ADCY2: variants seen among roughly 807,000 people sequenced by gnomAD.
ADCY2 encodes the protein adenylate cyclase type 2.
A neutral mutation model predicts 125.2 loss-of-function variants in ADCY2; 31 were observed. The observed-to-expected ratio is 0.25, with a 90% CI of 0.19 to 0.33. The LOEUF (loss-of-function observed/expected upper bound fraction) is 0.33, where lower values mean the gene tolerates loss of function less well. Ranked by LOEUF, ADCY2 falls within the 10% of genes least tolerant of loss-of-function variation. The pLI is 1.00. For missense variants in ADCY2, 904 were observed against 1,418.2 expected, an observed-to-expected ratio of 0.64 and a Z score of 5.82; for synonymous variants, 512 against 548.4, an observed-to-expected ratio of 0.93 and a Z score of 0.93.
chr5:7,746,437 A>T (rs951954884), intron 15 of ADCY2: 1 of 152,220 alleles, frequency 6.6e-6, no homozygotes, highest in Non-Finnish European at 1.5e-5. Context: ...AGGATTTTTT[A>T]ATTTGCAACA....
At chr5:7,708,585 A>T (rs1277873314) in intron 9 of ADCY2, among the ~76,000 whole-genome samples, 3 of 152,202 alleles carry the variant, frequency 2.0e-5, no homozygotes, top group Non-Finnish European at 4.4e-5. Context: ...TAAATGGTGC[A>T]AATATCAGCA....
intron 2 of ADCY2, among the ~76,000 whole-genome samples, chr5:7,449,670 A>G (rs1374196813): frequency 6.6e-6 from 1 of 152,236 alleles, no homozygotes; most frequent in African/African-American, 2.4e-5. Flanking sequence ...CCAACTCCAT[A>G]TACAGTATAG....
chr5:7,635,690 C>A (rs185951806), intron 4 of ADCY2, among the ~76,000 whole-genome samples: 83 of 152,160 alleles, frequency 5.5e-4, no homozygotes, highest in Non-Finnish European at 8.8e-4. Flanking sequence ...AGATGAGATG[C>A]CCCAAGGAGA....
intron 23 of ADCY2, among the ~76,000 whole-genome samples, chr5:7,819,153 G>T (rs1488982823): frequency 6.6e-6 from 1 of 152,108 alleles, no homozygotes; most frequent in African/African-American, 2.4e-5. Context: ...GGCCACGCTG[G>T]CAGCTGATCA....
chr5:7,460,921 G>C (rs1456118282), intron 2 of ADCY2, among the ~76,000 whole-genome samples: 1 of 152,140 alleles, frequency 6.6e-6, no homozygotes, highest in Non-Finnish European at 1.5e-5. Context: ...AGGTTCCTCT[G>C]CATTTACAAG....
At chr5:7,557,135 T>TTA (rs60652060) in intron 3 of ADCY2, among the ~76,000 whole-genome samples, 32 of 77,532 alleles carry the variant, frequency 4.1e-4, no homozygotes, top group Non-Finnish European at 7.0e-4. Flanking sequence ...CAAAAACAGT[T>TTA]TATATATATA....
chr5:7,734,717 A>G (rs1279222437), intron 14 of ADCY2, among the ~76,000 whole-genome samples: 1 of 152,172 alleles, frequency 6.6e-6, no homozygotes, highest in Non-Finnish European at 1.5e-5. Flanking sequence ...TTGACCAACC[A>G]TTACTTTGTC....
chr5:7,721,635 A>G lies in ADCY2; in HGVS notation c.1704-2910A>G, dbSNP rs74528352. Among the ~76,000 whole-genome samples, 439 of 152,310 alleles carry G rather than the reference A, an allele frequency of 2.9e-3. 3 individuals are homozygous for G. Among genetic ancestry groups the G allele is most frequent in the East Asian group, 0.027 (139 of 5,182 alleles). On this transcript the variant is annotated intron_variant, in intron 12 of 24. Transcript: ENST00000338316. ...CGTATAGCTAGCCAGTTTTCCCAGC[A>G]CCATTTATTAAATAGGGAATCCTTT...
intron 4 of ADCY2, among the ~76,000 whole-genome samples, chr5:7,676,770 C>T (rs1032917873): frequency 1.3e-5 from 2 of 152,188 alleles, no homozygotes; most frequent in African/African-American, 4.8e-5. Flanking sequence ...TGTGTCTTAT[C>T]CTGTGGAGTT....
chr5:7,772,248 G>A (rs1235333697), intron 17 of ADCY2, among the ~76,000 whole-genome samples: 1 of 152,196 alleles, frequency 6.6e-6, no homozygotes, highest in Non-Finnish European at 1.5e-5. Flanking sequence ...GGTAAATGGG[G>A]AGGAAATGGC....
chr5:7,416,732 A>C (rs976027433), intron 2 of ADCY2, among the ~76,000 whole-genome samples: 4 of 152,128 alleles, frequency 2.6e-5, no homozygotes, highest in African/African-American at 9.7e-5. Context: ...ACTGTTTAAA[A>C]ATTTTCTCCC....
At chr5:7,698,067 A>T (rs566862176) in intron 6 of ADCY2, among the ~76,000 whole-genome samples, 180 bp from the exon 7 acceptor site, 34 of 152,050 alleles carry the variant, frequency 2.2e-4, no homozygotes, top group African/African-American at 8.0e-4. Flanking sequence ...GGAAATCGGC[A>T]TGTAGGGGAG....
intron 21 of ADCY2, among the ~76,000 whole-genome samples, chr5:7,803,440 CG>C (rs1441032158): frequency 6.6e-6 from 1 of 152,206 alleles, no homozygotes; most frequent in Non-Finnish European, 1.5e-5. Flanking sequence ...CCCTCCTGAG[CG>C]GGTATAGACC....
chr5:7,557,080 A>G (rs1388533151), intron 3 of ADCY2, among the ~76,000 whole-genome samples: 1 of 151,694 alleles, frequency 6.6e-6, no homozygotes, highest in African/African-American at 2.4e-5. Context: ...GGATGTTTTC[A>G]ATGAATACAG....
intron 23 of ADCY2, among the ~76,000 whole-genome samples, chr5:7,820,202 G>A (rs1046933040): frequency 1.3e-5 from 2 of 152,122 alleles, no homozygotes; most frequent in African/African-American, 4.8e-5. Flanking sequence ...ATTGCAAAGG[G>A]GAAGCTTTGG....
intron 11 of ADCY2, among the ~76,000 whole-genome samples, chr5:7,716,667 G>T (rs2126375578): frequency 6.6e-6 from 1 of 152,304 alleles, no homozygotes; most frequent in South Asian, 2.1e-4. Flanking sequence ...GAATTAAACA[G>T]AGCTTTTGAC....
chr5:7,617,218 C>T (rs1309016480), intron 3 of ADCY2, among the ~76,000 whole-genome samples: 2 of 152,150 alleles, frequency 1.3e-5, no homozygotes, highest in African/African-American at 4.8e-5. Context: ...GCCAACCCTG[C>T]CATCACCTTG....
chr5:7,750,204 T>C (rs1742760636), intron 15 of ADCY2, among the ~76,000 whole-genome samples: 1 of 152,164 alleles, frequency 6.6e-6, no homozygotes, highest in Non-Finnish European at 1.5e-5. Context: ...TGCCTTCTTT[T>C]GGACTCCTGG....
chr5:7,724,813 C>T (rs1741884198), intron 13 of ADCY2, among the ~76,000 whole-genome samples, 199 bp downstream of exon 13: 1 of 152,074 alleles, frequency 6.6e-6, no homozygotes, highest in South Asian at 2.1e-4. Flanking sequence ...CATCTTTGAT[C>T]AGTTACCATT....
Sources: gnomAD v4.1 joint callset for allele counts (sites outside exome capture counted in the v4.1 genomes callset) on GRCh38, gnomAD v4.1.1 for gene constraint, MANE v1.5 for transcripts, NCBI Gene and HGNC (gene_info 2026-07-23, HGNC 2026-07-21) for gene names.